SHOX: variants seen among roughly 807,000 people sequenced by gnomAD.
The protein encoded by SHOX is SHOX homeobox, also known as short stature homeobox protein.
In SHOX, 12 loss-of-function variants were observed where a neutral mutation model predicts 29.6. The ratio of observed to expected loss-of-function variants is 0.41; its 90% CI spans 0.26 to 0.66. The LOEUF is 0.66. SHOX is among the 30% of genes least tolerant of loss of function. SHOX has a pLI of 0.35. For missense variants in SHOX, 499 were observed against 437.7 expected (o/e 1.14, Z -1.25); for synonymous variants, 214 against 200.6 (o/e 1.07, Z -0.57).
chrX:655,612 CTCTATATATA>C (rs1361132205), downstream of SHOX, among the ~76,000 whole-genome samples: 42 of 15,692 alleles, frequency 2.7e-3, no homozygotes, highest in East Asian at 4.0e-3. Context: ...CTCTCTCTCT[CTCTATATATA>C]TATATATATA....
At chrX:625,316 T>C (rs954726817) in intron 1 of SHOX, among the ~76,000 whole-genome samples, 1 of 151,818 alleles carries the variant, frequency 6.6e-6, no homozygotes, top group African/African-American at 2.4e-5. Flanking sequence ...AGTCGTTGTT[T>C]TTGTCCATCC....
downstream of SHOX, among the ~76,000 whole-genome samples, chrX:651,708 T>C (rs1481434800): frequency 6.7e-6 from 1 of 149,440 alleles, no homozygotes; most frequent in Non-Finnish European, 1.5e-5. Flanking sequence ...TTCTGCTCCG[T>C]GCATTTCCAG....
At chrX:633,174 G>T (rs937145685) in intron 1 of SHOX, among the ~76,000 whole-genome samples, 36 of 152,102 alleles carry the variant, frequency 2.4e-4, no homozygotes, top group Non-Finnish European at 4.4e-4. Flanking sequence ...GAGGGCAGGG[G>T]AGAGTCTGAG....
Position 646,907 on chromosome X carries a change from C to A in SHOX, c.*2271C>A, listed in dbSNP as rs1306816036. 3.3e-5 allele frequency: 5 copies of A among 151,228 alleles called. No homozygotes were observed. The highest frequency in any genetic ancestry group is 4.9e-5 in the African/African-American group (2 of 41,156). The allele number at this position is 151,228 out of a possible 1,614,324, so 9.4% of individuals were successfully genotyped here. A position where few individuals can be genotyped will look rare whatever the true frequency, so the allele number is the denominator to read the frequency against. On this transcript the variant is annotated 3_prime_UTR_variant, in exon 5 of 5. Transcript: ENST00000686671. ...TAGGTTCATTCATCAGAGTATGTAA[C>A]CCTTTGGAAAAGTGGTTGGTAAGAT...
Position 644,557 on chromosome X carries a change from C to CCG in SHOX, c.801_802insGC (p.Lys268AlafsTer140), listed in dbSNP as rs934395202. 1.3e-6 allele frequency: 2 copies of CCG among 1,517,944 alleles called. No homozygotes were observed. Among genetic ancestry groups the CCG allele is most frequent in the Non-Finnish European group, 1.8e-6 (2 of 1,139,580 alleles). The allele number at this position is 1,517,944 out of a possible 1,614,324, so 94.0% of individuals were successfully genotyped here. On this transcript the variant is annotated frameshift_variant, in exon 5 of 5. Transcript: ENST00000686671. LOFTEE classifies it high-confidence loss of function. Reference sequence around the variant, plus strand: ...GCCGCCGCCGTGGTCGCCGCCGCCGCCAAAAGCAACAGCAAGAATTCCAGC... The same window carrying CCG: ...GCCGCCGCCGTGGTCGCCGCCGCCGCCGCAAAAGCAACAGCAAGAATTCCAGC...
At chrX:632,928 T>G (rs778390139) in intron 1 of SHOX, among the ~76,000 whole-genome samples, 38 of 152,290 alleles carry the variant, frequency 2.5e-4, no homozygotes, top group Non-Finnish European at 5.6e-4. Flanking sequence ...GACACCGTTT[T>G]GCTCCTCTGA....
rs374385163 is a variant in SHOX at position 648,677 on chromosome X, C to G, written c.*4041C>G. Among the ~76,000 whole-genome samples the G allele has an allele frequency of 1.2e-4, 18 of 152,290 alleles. 1 individual carries two copies. The South Asian group carries it at 2.1e-3, about 18-fold the overall frequency. ...CGCAGAGAACTGTGAGGGTGGGACACGAGTGTCTGTGGACACTGGCTGCCT... is the reference window on the plus strand; with the variant it reads ...CGCAGAGAACTGTGAGGGTGGGACAGGAGTGTCTGTGGACACTGGCTGCCT... On this transcript the variant is annotated 3_prime_UTR_variant, in exon 5 of 5. Transcript: ENST00000686671.
Position 630,927 on chromosome X carries a change from G to A in SHOX, c.30G>A (p.Lys10=). The A allele has an allele frequency of 6.2e-7, 1 of 1,613,790 alleles. No individual in the cohort carries two copies. ...AAGAGCTCACGGCTTTTGTATCCAA[G>A]TCTTTTGACCAGAAAAGCAAGGACG... MEELTAFVS[K]SFDQKSKDGN... Residue 10 remains lysine, a synonymous_variant, in exon 1 of 5, where the codon AAG becomes AAA. Coordinates refer to ENST00000686671, the MANE Select transcript of SHOX (RefSeq NM_000451.4).
rs1304425298 is a variant in SHOX, at chrX:651,416, A to C, written c.*6780A>C. On this transcript the variant is annotated 3_prime_UTR_variant, in exon 5 of 5. Coordinates refer to ENST00000686671, the MANE Select transcript of SHOX (RefSeq NM_000451.4). ...AAAAAAACAAACAAACAAACAGAAA[A>C]AAAAACCAAAAAAAACCACCCTGAG... 2.2e-6 allele frequency: 1 copy of C among 453,762 alleles called. No homozygotes were observed. The highest frequency in any genetic ancestry group is 4.4e-6 in the Non-Finnish European group (1 of 226,380). The allele number at this position is 453,762 out of a possible 1,614,324, so 28.1% of individuals were successfully genotyped here. A position where few individuals can be genotyped will look rare whatever the true frequency, so the allele number is the denominator to read the frequency against.
At chrX:657,237 T>C (rs1318733476) in intron 5 of SHOX, among the ~76,000 whole-genome samples, 4 of 152,174 alleles carry the variant, frequency 2.6e-5, no homozygotes, top group Non-Finnish European at 5.9e-5. Flanking sequence ...AGAAAACCAA[T>C]GAGTTTTCCA....
intron 1 of SHOX, 37 bp downstream of exon 1, chrX:631,211 C>G (rs757185831): frequency 1.9e-5 from 31 of 1,610,798 alleles, no homozygotes; most frequent in Middle Eastern, 1.7e-4. Flanking sequence ...GGGGGGCCCT[C>G]CTGGGGTTCG....
chrX:651,394 A>C lies in SHOX; in HGVS notation c.*6758A>C, dbSNP rs189320301. The C allele has an allele frequency of 4.9e-3, 2,201 of 446,156 alleles. 16 individuals carry two copies. The highest frequency in any genetic ancestry group is 0.018 in the Admixed American group (746 of 41,414). The allele number at this position is 446,156 out of a possible 1,614,324, so 27.6% of individuals were successfully genotyped here. A position where few individuals can be genotyped will look rare whatever the true frequency, so the allele number is the denominator to read the frequency against. ...TCGGCAGGCGGTGAGGGGTAGAAAA[A>C]AAACAAACAAACAAACAGAAAAAAA... On this transcript the variant is annotated 3_prime_UTR_variant, in exon 5 of 5. Coordinates refer to ENST00000686671, the MANE Select transcript of SHOX (RefSeq NM_000451.4).
At chrX:653,703 T>C (rs2053099645), downstream of SHOX, among the ~76,000 whole-genome samples, 1 of 152,186 alleles carries the variant, frequency 6.6e-6, no homozygotes, top group East Asian at 1.9e-4. Context: ...AACAGATTCT[T>C]ACCATCAGTT....
rs1299684889 is a variant in SHOX at position 649,944 on chromosome X, C to G, written c.*5308C>G. On this transcript the variant is annotated 3_prime_UTR_variant, in exon 5 of 5. Transcript: ENST00000686671. Reference sequence around the variant, plus strand: ...TTTCTCTCTCTCTGACTGCGAAGCACCCACAGGGAGAAGGAATTGGATGTA... The same window carrying G: ...TTTCTCTCTCTCTGACTGCGAAGCAGCCACAGGGAGAAGGAATTGGATGTA... 6.6e-6 allele frequency: 3 copies of G among 455,978 alleles called. No individual in the cohort carries two copies. The highest frequency in any genetic ancestry group is 6.0e-5 in the African/African-American group (3 of 50,082). 28.2% of individuals were successfully genotyped at this position (455,978 alleles called of 1,614,324 possible).
intron 2 of SHOX, among the ~76,000 whole-genome samples, chrX:637,265 G>C (rs1326335250): frequency 6.6e-6 from 1 of 152,050 alleles, no homozygotes; most frequent in Non-Finnish European, 1.5e-5. Flanking sequence ...TTAATGAAAA[G>C]ATTAAAGTTT....
At chrX:635,328 C>T (rs1442149629) in intron 2 of SHOX, among the ~76,000 whole-genome samples, 1 of 152,100 alleles carries the variant, frequency 6.6e-6, no homozygotes, top group Non-Finnish European at 1.5e-5. Flanking sequence ...TCTTTTGGCC[C>T]CTGATTCCCC....
intron 2 of SHOX, 45 bp downstream of exon 2, chrX:634,871 G>C (rs1226361556): frequency 1.2e-5 from 19 of 1,536,012 alleles, no homozygotes; most frequent in Non-Finnish European, 1.7e-5. Flanking sequence ...GCCATCGCCT[G>C]GTCCTCGGGA....
At chrX:629,783 G>A (rs1603283421), upstream of SHOX, among the ~76,000 whole-genome samples, 1 of 152,260 alleles carries the variant, frequency 6.6e-6, no homozygotes, top group Admixed American at 6.5e-5. Flanking sequence ...AAGGTCCTTG[G>A]CAGGAACCGT....
In SHOX at chrX:634,769, C is replaced by G. The variant is rs781759203; in HGVS notation, c.429C>G (p.Asp143Glu). The change falls in exon 2 of 5, where the codon GAC (aspartate) becomes GAG (glutamate). Residue 143 changes from aspartate (D) to glutamate (E), a missense_variant. Physicochemically the swap from Asp to Glu is conservative, Grantham distance 45 (BLOSUM62 2). Transcript: ENST00000686671. ...ERLFDETHYP[D>E]AFMREELSQR... ...TCTTCGACGAGACCCATTACCCCGA[C>G]GCCTTCATGCGCGAGGAGCTCAGCC... The G allele has an allele frequency of 6.2e-7, 1 of 1,606,422 alleles. No homozygotes were observed. Among genetic ancestry groups the G allele is most frequent in the African/African-American group, 1.3e-5 (1 of 74,848 alleles).
Sources: allele counts gnomAD v4.1 joint callset (sites outside exome capture counted in the v4.1 genomes callset), GRCh38; gene constraint gnomAD v4.1.1; transcripts MANE v1.5; gene names NCBI Gene and HGNC (gene_info 2026-07-23, HGNC 2026-07-21).